Variants in CACNA1B observed in about 807,000 individuals in gnomAD.
CACNA1B encodes calcium voltage-gated channel subunit alpha1 B.
A neutral mutation model predicts 247.2 loss-of-function variants in CACNA1B; 70 were observed. That is an observed-to-expected ratio of 0.28 (90% confidence interval 0.23 to 0.35). The LOEUF (loss-of-function observed/expected upper bound fraction) is 0.35. Among genes scored for constraint, CACNA1B ranks in the 10% least tolerant of loss-of-function variants. CACNA1B has a pLI of 1.00. For synonymous variants in CACNA1B, 1,231 were observed against 1,294.4 expected, an observed-to-expected ratio of 0.95 and a Z score of 1.05; for missense variants, 2,367 against 3,197.4, an observed-to-expected ratio of 0.74 and a Z score of 6.26.
intron 36 of CACNA1B, among the ~76,000 whole-genome samples, chr9:138,087,583 C>T (rs1015913854): frequency 1.3e-5 from 2 of 150,338 alleles, no homozygotes; most frequent in African/African-American, 4.9e-5. Flanking sequence ...TGTGTGGTAG[C>T]ACGCGCCTGT....
intron 3 of CACNA1B, among the ~76,000 whole-genome samples, chr9:137,898,206 AT>A (rs1360995909): frequency 6.6e-6 from 1 of 152,210 alleles, no homozygotes; most frequent in Non-Finnish European, 1.5e-5. Flanking sequence ...GTTTTTCCAA[AT>A]AGAAAAGGTA....
In CACNA1B at chr9:138,010,198, G is replaced by A. The variant is rs948591192; in HGVS notation, c.2160+121G>A. ...CAGGAGCGTTGCCTTGGGTCCTGGC[G>A]GGCAGAGGCTGGTCTGTCACTCAGG... On this transcript the variant is annotated intron_variant, in intron 17 of 46. Coordinates refer to ENST00000371372, the MANE Select transcript of CACNA1B (RefSeq NM_000718.4). The surrounding 1 kb of genome is among the most constrained non-coding windows in gnomAD (Gnocchi z 5.3). 21 of 725,706 alleles carry A rather than the reference G, an allele frequency of 2.9e-5. No individual in the cohort carries two copies. The highest frequency in any genetic ancestry group is 1.1e-4 in the Admixed American group (5 of 44,980). The allele number at this position is 725,706 out of a possible 1,614,324, so 45.0% of individuals were successfully genotyped here.
chr9:138,005,876 T>C (rs1369569493), intron 15 of CACNA1B, among the ~76,000 whole-genome samples: 1 of 151,994 alleles, frequency 6.6e-6, no homozygotes, highest in Non-Finnish European at 1.5e-5. Flanking sequence ...ACCCCGTCTC[T>C]ACTAAAAATA....
intron 15 of CACNA1B, among the ~76,000 whole-genome samples, chr9:138,000,376 A>G (rs142598531): frequency 0.033 from 4,996 of 152,212 alleles, 113 homozygotes; most frequent in Non-Finnish European, 0.041. Flanking sequence ...GGGATTACAG[A>G]CATGAGCCAC....
chr9:138,102,256 C>T lies in CACNA1B; in HGVS notation c.5223-455C>T, dbSNP rs1458688473. ...CCGTGAGGAAAGCTGATGTCTCTGCCGTGGTTCTCAGCCACTGCCTCATCT... is the reference window on the plus strand; with the variant it reads ...CCGTGAGGAAAGCTGATGTCTCTGCTGTGGTTCTCAGCCACTGCCTCATCT... On this transcript the variant is annotated intron_variant, in intron 37 of 46. Transcript: ENST00000371372. The surrounding 1 kb of genome is among the most constrained non-coding windows in gnomAD (Gnocchi z 5.4). Among the ~76,000 whole-genome samples the T allele has an allele frequency of 6.6e-6, 1 of 152,198 alleles. No individual in the cohort carries two copies. The highest frequency in any genetic ancestry group is 1.5e-5 in the Non-Finnish European group (1 of 68,038).
At chr9:137,996,853 G>C (rs747449526) in intron 15 of CACNA1B, among the ~76,000 whole-genome samples, 1 of 151,456 alleles carries the variant, frequency 6.6e-6, no homozygotes, top group Non-Finnish European at 1.5e-5. Flanking sequence ...ACTAAACAAG[G>C]ACACTATCAG....
chr9:138,073,492 A>G lies in CACNA1B; in HGVS notation c.4679A>G (p.Asn1560Ser), dbSNP rs758109573. The change falls in exon 33 of 47, where the codon AAT (asparagine) becomes AGT (serine). Residue 1560 changes from asparagine to serine, a missense_variant. This residue lies in a region of CACNA1B where 436 missense variants were observed against 679.5 expected (regional missense o/e 0.64). Coordinates refer to ENST00000371372, the MANE Select transcript of CACNA1B (RefSeq NM_000718.4). The surrounding 1 kb of genome is among the most constrained non-coding windows in gnomAD (Gnocchi z 6.4). The stretch of plus-strand genomic sequence containing the variant: ...AACAATTCCTCTTCTCTGCAGAACA[A>G]TTTCATCAACCTCAGCTTCCTCCGC... Reference protein sequence around the residue: ...ILVTEIAETNNFINLSFLRLF... With the variant: ...ILVTEIAETNSFINLSFLRLF... The G allele has an allele frequency of 6.2e-7, 1 of 1,608,110 alleles. No homozygotes were observed. The highest frequency in any genetic ancestry group is 8.5e-7 in the Non-Finnish European group (1 of 1,174,666).
rs1344508041 is a variant in CACNA1B at position 137,881,407 on chromosome 9, T to A, written c.391-1337T>A. ...GCGGAGAGCCCTCGAGAGCCTGGCT[T>A]CCTGGGGAGGAAGGCACAGGCTGTG... On this transcript the variant is annotated intron_variant, in intron 2 of 46. Coordinates refer to ENST00000371372, the MANE Select transcript of CACNA1B (RefSeq NM_000718.4). This position sits in a 1 kb window ranked among gnomAD's most constrained non-coding sequence, Gnocchi z 4.3. Among the ~76,000 whole-genome samples, 1 of 152,138 alleles carries A rather than the reference T, an allele frequency of 6.6e-6. No homozygotes were observed.
At chr9:138,094,531 T>G (rs1317832908) in intron 36 of CACNA1B, among the ~76,000 whole-genome samples, 1 of 150,910 alleles carries the variant, frequency 6.6e-6, no homozygotes, top group Non-Finnish European at 1.5e-5. Flanking sequence ...TCCTAACACA[T>G]TCTGTGAGGC....
chr9:138,013,211 C>G lies in CACNA1B; in HGVS notation c.2243C>G (p.Ser748Cys). ...AKEVAEVSPM[S>C]AANISIAARQ... ...GAAGTGGCTGAAGTCAGCCCCATGT[C>G]TGCCGCGAACATCTCCATCGCCGCG... Residue 748 changes from serine (S) to cysteine (C), a missense_variant, in exon 18 of 47, where the codon TCT becomes TGT. Ser to Cys is a moderately radical substitution (Grantham distance 112). Coordinates refer to ENST00000371372, the MANE Select transcript of CACNA1B (RefSeq NM_000718.4). The G allele has an allele frequency of 6.2e-7, 1 of 1,603,582 alleles. No homozygotes were observed. Among genetic ancestry groups the G allele is most frequent in the African/African-American group, 1.3e-5 (1 of 74,658 alleles).
Position 138,025,144 on chromosome 9 carries a change from C to T in CACNA1B, c.3258C>T (p.Gly1086=), listed in dbSNP as rs370578382. ...TIVHIPVMLT[G]PLGEATVVPS... ...TACATATCCCAGTGATGCTGACGGG[C>T]CCTCTTGGGGAAGCCACGGTCGTTC... The change falls in exon 20 of 47, where the codon GGC becomes GGT. Residue 1086 remains glycine (G), a synonymous_variant. Transcript: ENST00000371372. 5.6e-6 allele frequency: 9 copies of T among 1,612,076 alleles called. No homozygotes were observed. Among genetic ancestry groups the T allele is most frequent in the South Asian group, 1.1e-5 (1 of 90,522 alleles).
rs972803883 is a variant in CACNA1B, at chr9:138,050,488, C to T, written c.3710+1173C>T. 3.9e-5 allele frequency among the ~76,000 whole-genome samples: 6 copies of T among 152,206 alleles called. No homozygotes were observed. Among genetic ancestry groups the T allele is most frequent in the African/African-American group, 1.4e-4 (6 of 41,450 alleles). On this transcript the variant is annotated intron_variant, in intron 24 of 46. Coordinates refer to ENST00000371372, the MANE Select transcript of CACNA1B (RefSeq NM_000718.4). The surrounding 1 kb of genome is among the most constrained non-coding windows in gnomAD (Gnocchi z 5.2). ...AAGAGCGGCATTCTTTCCTCTGTTT[C>T]CTCTCCACTCCAGCCCCCTGCAGTT...
intron 6 of CACNA1B, among the ~76,000 whole-genome samples, chr9:137,938,145 T>C (rs1474025533): frequency 2.0e-5 from 3 of 152,032 alleles, no homozygotes; most frequent in African/African-American, 7.2e-5. Flanking sequence ...GCCAAGAATT[T>C]TGTATCCAGC....
chr9:138,085,134 C>T (rs1960654056), intron 36 of CACNA1B, among the ~76,000 whole-genome samples: 2 of 150,304 alleles, frequency 1.3e-5, no homozygotes, highest in Non-Finnish European at 2.9e-5. Flanking sequence ...ATCAGAAATG[C>T]AATTGACAAT....
chr9:137,911,639 G>T (rs1229015266), intron 3 of CACNA1B, among the ~76,000 whole-genome samples: 2 of 152,192 alleles, frequency 1.3e-5, no homozygotes, highest in African/African-American at 4.8e-5. Context: ...GGCTGGTCTC[G>T]AACTCCTGAC....
At chr9:137,894,975 A>G (rs1236796070) in intron 3 of CACNA1B, among the ~76,000 whole-genome samples, 1 of 152,066 alleles carries the variant, frequency 6.6e-6, no homozygotes, top group East Asian at 1.9e-4. Context: ...TTTTCCCGTG[A>G]TTCTCTTTTT....
At chr9:137,975,256 G>A (rs902924990) in intron 11 of CACNA1B, among the ~76,000 whole-genome samples, 8 of 152,200 alleles carry the variant, frequency 5.3e-5, no homozygotes, top group Middle Eastern at 3.2e-3. Context: ...AGGAACCTCT[G>A]TGTGACTTGG....
chr9:137,984,027 G>A, intron 12 of CACNA1B, 111 bp from the exon 13 acceptor site: 1 of 745,312 alleles, frequency 1.3e-6, no homozygotes, highest in South Asian at 1.6e-5. Context: ...AGACAAGGAA[G>A]CAGGATGGTT....
At chr9:138,118,553 T>C in intron 43 of CACNA1B, 99 bp from the exon 44 acceptor site, 1 of 631,660 alleles carries the variant, frequency 1.6e-6, no homozygotes, top group Non-Finnish European at 2.8e-6. Context: ...GAGATGGATT[T>C]GGGTGAGACC....
Sources: gnomAD v4.1 joint callset for allele counts (sites outside exome capture counted in the v4.1 genomes callset) on GRCh38, gnomAD v4.1.1 for gene constraint, gnomAD v4.1.1 regional missense constraint, Gnocchi (gnomAD v3.1) non-coding constraint, MANE v1.5 for transcripts, NCBI Gene and HGNC (gene_info 2026-07-23, HGNC 2026-07-21) for gene names.